Variants in COX7B2 observed in about 807,000 individuals in gnomAD.
The protein encoded by COX7B2 is cytochrome c oxidase subunit 7B2.
For missense variants in COX7B2, 109 were observed against 95.9 expected, an observed-to-expected ratio of 1.14 and a Z score of -0.57; for synonymous variants, 37 against 32.1, an observed-to-expected ratio of 1.15 and a Z score of -0.51.
intron 2 of COX7B2, among the ~76,000 whole-genome samples, chr4:46,754,728 G>GTGTGTATATATATATATATATATATATA (rs1333586285): frequency 5.0e-5 from 2 of 39,864 alleles, no homozygotes; most frequent in East Asian, 1.3e-3. Flanking sequence ...GTGTGTGTGT[G>GTGTGTATATATATATATATATATATATA]TATATATATA....
chr4:46,862,621 T>A (rs1445772675), intron 1 of COX7B2, among the ~76,000 whole-genome samples: 1 of 152,190 alleles, frequency 6.6e-6, no homozygotes, highest in Non-Finnish European at 1.5e-5. Flanking sequence ...TTTTGATAAA[T>A]AAGACTAATT....
At chr4:46,764,315 C>A (rs1316005161) in intron 2 of COX7B2, among the ~76,000 whole-genome samples, 1 of 151,834 alleles carries the variant, frequency 6.6e-6, no homozygotes, top group Non-Finnish European at 1.5e-5. Flanking sequence ...GAGGCTGAGG[C>A]GGGTGGATCA....
At chr4:46,754,384 TA>T (rs1715614537) in intron 2 of COX7B2, among the ~76,000 whole-genome samples, 4 of 150,754 alleles carry the variant, frequency 2.7e-5, no homozygotes, top group Admixed American at 1.3e-4. Context: ...TATGCAGCCA[TA>T]AAAAATGATG....
chr4:46,883,016 A>C (rs1333121414), intron 1 of COX7B2, among the ~76,000 whole-genome samples: 2 of 152,220 alleles, frequency 1.3e-5, no homozygotes, highest in African/African-American at 4.8e-5. Context: ...CTATGATTTT[A>C]TAAGTTAAGA....
At chr4:46,796,749 A>C (rs1197546325) in intron 2 of COX7B2, among the ~76,000 whole-genome samples, 2 of 30,924 alleles carry the variant, frequency 6.5e-5, no homozygotes, top group African/African-American at 3.7e-4. Flanking sequence ...ACACCATGGA[A>C]TACTATGCAG....
Position 46,867,683 on chromosome 4 carries a change from A to C in COX7B2, c.-104-22669T>G, listed in dbSNP as rs753545439. On this transcript the variant is annotated intron_variant, in intron 1 of 2. Coordinates refer to ENST00000355591, the MANE Select transcript of COX7B2 (RefSeq NM_130902.3). Reference sequence around the variant, plus strand: ...TCTGCCATACATGGCCACCTCAATAAACCTGCTTATGCTGAACCAACATTG... The same window carrying C: ...TCTGCCATACATGGCCACCTCAATACACCTGCTTATGCTGAACCAACATTG... Among the ~76,000 whole-genome samples, 145 of 152,120 alleles carry C rather than the reference A, an allele frequency of 9.5e-4. 1 individual carries two copies. Among genetic ancestry groups the C allele is most frequent in the Middle Eastern group, 3.2e-3 (1 of 316 alleles).
intron 1 of COX7B2, among the ~76,000 whole-genome samples, chr4:46,869,310 T>C (rs1474542589): frequency 6.6e-6 from 1 of 152,152 alleles, no homozygotes; most frequent in Non-Finnish European, 1.5e-5. Flanking sequence ...CACTGAGTCT[T>C]TCTTTTTTAT....
At chr4:46,753,238 G>T (rs978054238) in intron 2 of COX7B2, among the ~76,000 whole-genome samples, 4 of 152,066 alleles carry the variant, frequency 2.6e-5, no homozygotes, top group Non-Finnish European at 5.9e-5. Context: ...ATGGTAGTTT[G>T]TATTTCTGTG....
chr4:46,820,026 G>A (rs146090560), intron 2 of COX7B2, among the ~76,000 whole-genome samples: 168 of 152,308 alleles, frequency 1.1e-3, no homozygotes, highest in African/African-American at 3.8e-3. Flanking sequence ...AACCGGTTTC[G>A]TGGAAAACAA....
intron 1 of COX7B2, among the ~76,000 whole-genome samples, chr4:46,894,112 C>T (rs938810872): frequency 6.6e-6 from 1 of 152,280 alleles, no homozygotes; most frequent in East Asian, 1.9e-4. Context: ...AGAGTCAATG[C>T]TATTCCCATC....
chr4:46,800,661 A>G (rs1324001229), intron 2 of COX7B2, among the ~76,000 whole-genome samples: 2 of 152,196 alleles, frequency 1.3e-5, no homozygotes, highest in Non-Finnish European at 1.5e-5. Context: ...CTTGAAGAAA[A>G]CCTGAGAAAT....
chr4:46,830,571 C>T (rs575553187), intron 2 of COX7B2, among the ~76,000 whole-genome samples: 2 of 152,120 alleles, frequency 1.3e-5, no homozygotes, highest in Non-Finnish European at 2.9e-5. Context: ...GTATTCTAGA[C>T]ATAGTTTGAA....
At chr4:46,816,155 T>C (rs1029872859) in intron 2 of COX7B2, among the ~76,000 whole-genome samples, 6 of 152,236 alleles carry the variant, frequency 3.9e-5, no homozygotes, top group Admixed American at 2.0e-4. Flanking sequence ...GTAAAATTAT[T>C]GTGTTTCTGA....
rs186075301 is a variant in COX7B2 at position 46,804,887 on chromosome 4, C to T, written c.-50+40073G>A. On this transcript the variant is annotated intron_variant, in intron 2 of 2. Coordinates refer to ENST00000355591, the MANE Select transcript of COX7B2 (RefSeq NM_130902.3). The stretch of plus-strand genomic sequence containing the variant: ...GGGCACCGTGGAGCAGGGGGCTGTG[C>T]ACGTCGGGGAGGCTCAGGCTGCGTG... Among the ~76,000 whole-genome samples the T allele has an allele frequency of 1.5e-4, 23 of 152,330 alleles. 1 individual carries two copies. The highest frequency in any genetic ancestry group is 5.5e-4 in the African/African-American group (23 of 41,592).
chr4:46,855,546 TA>T (rs1716958793), intron 1 of COX7B2, among the ~76,000 whole-genome samples: 1 of 152,028 alleles, frequency 6.6e-6, no homozygotes. Context: ...ATGAAGGCAT[TA>T]AAAATATGTT....
At chr4:46,786,071 G>T (rs1025533261) in intron 2 of COX7B2, among the ~76,000 whole-genome samples, 2 of 151,168 alleles carry the variant, frequency 1.3e-5, no homozygotes, top group Non-Finnish European at 2.9e-5. Context: ...ATGGTTAAAA[G>T]AAAATACACA....
intron 2 of COX7B2, among the ~76,000 whole-genome samples, chr4:46,777,530 C>A (rs1374155986): frequency 6.6e-6 from 1 of 151,990 alleles, no homozygotes; most frequent in Admixed American, 6.6e-5. Flanking sequence ...AAAGGAGGAA[C>A]TGTTAGGATA....
At chr4:46,736,090 C>A (rs62303536) in intron 2 of COX7B2, among the ~76,000 whole-genome samples, 19,991 of 152,164 alleles carry the variant, frequency 0.13, 1,942 homozygotes, top group East Asian at 0.31. Flanking sequence ...TAGGTTTTAA[C>A]AAATGTATAA....
At chr4:46,805,787 T>G (rs1718967816) in intron 2 of COX7B2, among the ~76,000 whole-genome samples, 1 of 152,208 alleles carries the variant, frequency 6.6e-6, no homozygotes, top group South Asian at 2.1e-4. Flanking sequence ...CTGCTTCTAT[T>G]AGATGTTGCT....
Sources: gnomAD v4.1 joint callset for allele counts (sites outside exome capture counted in the v4.1 genomes callset) on GRCh38, gnomAD v4.1.1 for gene constraint, MANE v1.5 for transcripts, NCBI Gene and HGNC (gene_info 2026-07-23, HGNC 2026-07-21) for gene names.